The following CAPN13 variants were observed in gnomAD, a reference collection of about 807,000 sequenced individuals.
CAPN13 encodes the protein calpain-13.
In CAPN13, 90 loss-of-function variants were observed where a neutral mutation model predicts 98.4. The observed-to-expected ratio is 0.92, with a 90% CI of 0.77 to 1.09. CAPN13 has a LOEUF of 1.09. Among genes scored for constraint, CAPN13 ranks in the 50% least tolerant of loss-of-function variants. The pLI is 0.00. For synonymous variants in CAPN13, 330 were observed against 305.5 expected (o/e 1.08, Z -0.84); for missense variants, 887 against 841.3 (o/e 1.05, Z -0.67).
intron 15 of CAPN13, chr2:30,741,542 G>A: frequency 9.4e-7 from 1 of 1,063,668 alleles, no homozygotes; most frequent in Non-Finnish European, 1.1e-6. Context: ...TAGCTCCCGG[G>A]AGGAACGATG....
chr2:30,752,354 G>A (rs1488187673), intron 10 of CAPN13, among the ~76,000 whole-genome samples: 2 of 152,228 alleles, frequency 1.3e-5, no homozygotes, highest in African/African-American at 2.4e-5. Context: ...GCACACTCTT[G>A]TTCGTCTTCA....
chr2:30,801,799 A>G (rs1675297842), intron 1 of CAPN13, among the ~76,000 whole-genome samples: 1 of 152,020 alleles, frequency 6.6e-6, no homozygotes, highest in Non-Finnish European at 1.5e-5. Flanking sequence ...GATGGCCCAG[A>G]CGCAGGGAGG....
chr2:30,792,562 A>C (rs919236631), intron 1 of CAPN13, among the ~76,000 whole-genome samples: 2 of 152,146 alleles, frequency 1.3e-5, no homozygotes, highest in Non-Finnish European at 2.9e-5. Context: ...TGAATTTACT[A>C]TCCAAAGCTT....
chr2:30,800,865 G>A (rs1353888061), intron 1 of CAPN13, among the ~76,000 whole-genome samples: 1 of 152,182 alleles, frequency 6.6e-6, no homozygotes, highest in Non-Finnish European at 1.5e-5. Flanking sequence ...TTCTAAGGAT[G>A]AGGTAGAGCA....
At chr2:30,807,059 T>A (rs1237118287) in intron 1 of CAPN13, among the ~76,000 whole-genome samples, 1 of 152,220 alleles carries the variant, frequency 6.6e-6, no homozygotes, top group Non-Finnish European at 1.5e-5. Context: ...GCATGAAATA[T>A]GCAAAGTTTG....
intron 11 of CAPN13, among the ~76,000 whole-genome samples, chr2:30,750,110 T>C (rs1303523305): frequency 2.0e-5 from 3 of 152,190 alleles, no homozygotes; most frequent in East Asian, 1.9e-4. Context: ...GGTACATATA[T>C]ACTGTGAAAT....
intron 22 of CAPN13, among the ~76,000 whole-genome samples, chr2:30,724,411 T>A (rs1670788255): frequency 1.3e-5 from 2 of 152,180 alleles, no homozygotes; most frequent in South Asian, 4.1e-4. Flanking sequence ...ATTGCTCCCA[T>A]TTTCCCCAAA....
chr2:30,791,763 T>C (rs1323811582), intron 1 of CAPN13, among the ~76,000 whole-genome samples: 1 of 152,244 alleles, frequency 6.6e-6, no homozygotes, highest in Non-Finnish European at 1.5e-5. Flanking sequence ...GGGAACATGA[T>C]ACTTTGTTGA....
intron 7 of CAPN13, among the ~76,000 whole-genome samples, chr2:30,759,089 G>T (rs1402986037): frequency 7.6e-5 from 5 of 65,456 alleles, no homozygotes; most frequent in African/African-American, 1.9e-4. Context: ...CTTCCTCTCT[G>T]CCTCCCTTCA....
intron 1 of CAPN13, among the ~76,000 whole-genome samples, chr2:30,806,672 T>A (rs1043747734): frequency 1.3e-5 from 2 of 152,222 alleles, no homozygotes; most frequent in Non-Finnish European, 2.9e-5. Context: ...GAGAACAGCA[T>A]CACATCTCAA....
chr2:30,770,294 G>T lies in CAPN13; in HGVS notation c.524+19C>A, dbSNP rs201106987. ...CAGCACTGAAACTCTGGGCTGATGG[G>T]TGGCGGGGTTGTACTTACTTGGCAT... On this transcript the variant is annotated intron_variant, in intron 5 of 22. Coordinates refer to ENST00000295055, the MANE Select transcript of CAPN13 (RefSeq NM_144575.3). 1,642 of 1,612,206 alleles carry T rather than the reference G, an allele frequency of 1.0e-3. 7 individuals carry two copies. The highest frequency in any genetic ancestry group is 3.3e-3 in the Middle Eastern group (20 of 6,014).
At chr2:30,801,547 G>C (rs1016523861) in intron 1 of CAPN13, among the ~76,000 whole-genome samples, 3 of 147,594 alleles carry the variant, frequency 2.0e-5, no homozygotes, top group Admixed American at 1.4e-4. Context: ...GGAGGTTGCA[G>C]TGAGCCAAGA....
chr2:30,723,816 C>G (rs1670770891), intron 22 of CAPN13, among the ~76,000 whole-genome samples: 1 of 152,204 alleles, frequency 6.6e-6, no homozygotes, highest in African/African-American at 2.4e-5. Flanking sequence ...CTCCCTCCAC[C>G]TCTCTTGTCT....
intron 20 of CAPN13, among the ~76,000 whole-genome samples, chr2:30,732,126 C>T (rs1436096532): frequency 2.6e-5 from 4 of 152,204 alleles, no homozygotes; most frequent in Non-Finnish European, 5.9e-5. Context: ...TCCTTCATTA[C>T]ATAACTGAAG....
intron 7 of CAPN13, among the ~76,000 whole-genome samples, chr2:30,759,291 C>T (rs547491169): frequency 6.6e-6 from 1 of 152,122 alleles, no homozygotes; most frequent in Non-Finnish European, 1.5e-5. Flanking sequence ...AACTCATAGT[C>T]GTGCACTTCA....
At chr2:30,777,420 C>G in intron 3 of CAPN13, 147 bp downstream of exon 3, 1 of 678,670 alleles carries the variant, frequency 1.5e-6, no homozygotes, top group Middle Eastern at 4.0e-4. Flanking sequence ...TCATTGCAGG[C>G]TGCAGGACTG....
At chr2:30,787,704 G>A (rs543543559) in intron 1 of CAPN13, among the ~76,000 whole-genome samples, 7 of 152,312 alleles carry the variant, frequency 4.6e-5, no homozygotes, top group East Asian at 1.9e-4. Flanking sequence ...CAGCAAGTGC[G>A]CAGAGGCCCA....
intron 2 of CAPN13, among the ~76,000 whole-genome samples, chr2:30,779,744 GAGGA>G (rs1162798806): frequency 1.3e-5 from 2 of 152,038 alleles, no homozygotes; most frequent in African/African-American, 4.8e-5. Context: ...TCAAAAATAG[GAGGA>G]AGAACTGAAA....
Position 30,775,746 on chromosome 2 carries a change from C to G in CAPN13, c.387+184G>C, listed in dbSNP as rs1225775612. Among the ~76,000 whole-genome samples the G allele has an allele frequency of 2.0e-5, 3 of 152,198 alleles. No homozygotes were observed. The East Asian group carries it at 5.8e-4, about 29-fold the overall frequency. ...TTATTTACACAAAAACATTTCAACT[C>G]TCATCTTCCCTGTGTGTTGTCAGAT... On this transcript the variant is annotated intron_variant, in intron 4 of 22. Coordinates refer to ENST00000295055, the MANE Select transcript of CAPN13 (RefSeq NM_144575.3).
Sources: allele counts gnomAD v4.1 joint callset (sites outside exome capture counted in the v4.1 genomes callset), GRCh38; gene constraint gnomAD v4.1.1; transcripts MANE v1.5; gene names NCBI Gene and HGNC (gene_info 2026-07-23, HGNC 2026-07-21).